TENM1: variants seen among roughly 807,000 people sequenced by gnomAD.
TENM1 encodes teneurin transmembrane protein 1.
In TENM1, 35 loss-of-function variants were observed where a neutral mutation model predicts 174.8. The observed-to-expected ratio is 0.20, with a 90% CI of 0.15 to 0.27. The LOEUF is 0.27. TENM1 is among the 10% of genes least tolerant of loss of function. The pLI is 1.00. For synonymous variants in TENM1, 781 were observed against 798.7 expected, an observed-to-expected ratio of 0.98 and a Z score of 0.37; for missense variants, 1,633 against 2,130.1, an observed-to-expected ratio of 0.77 and a Z score of 4.59.
At chrX:125,154,897 A>G in the TENM1 span, among the ~76,000 whole-genome samples, 1,705 of 110,793 alleles carry the variant, frequency 0.015, 15 homozygotes, top group Non-Finnish European at 0.023. Context: ...AGACCTTCGC[A>G]GTGAGTGTTA....
intron 15 of TENM1, among the ~76,000 whole-genome samples, chrX:124,536,977 T>C (rs767623838): frequency 4.2e-4 from 47 of 111,605 alleles, no homozygotes; most frequent in African/African-American, 1.4e-3. Context: ...CAGATCCTTC[T>C]TGTTGGCCAT....
chrX:124,385,825 T>C (rs373148088), exon 29 of TENM1: 20 of 1,210,004 alleles, frequency 1.7e-5, no homozygotes, highest in Non-Finnish European at 2.2e-5. Context: ...TGTACTTGTA[T>C]AAGACTCTGC....
intron 1 of TENM1, among the ~76,000 whole-genome samples, chrX:124,914,663 A>G (rs1175395191): frequency 1.8e-5 from 2 of 111,414 alleles, no homozygotes; most frequent in African/African-American, 3.3e-5. Context: ...GGCATCCCCC[A>G]TACCATCATT....
intron 16 of TENM1, 44 bp from the exon 20 acceptor site, chrX:124,523,669 T>TA: frequency 1.7e-6 from 2 of 1,168,281 alleles, no homozygotes; most frequent in South Asian, 1.9e-5. Flanking sequence ...AATGAAAAAT[T>TA]AAAAAATTAC....
At chrX:124,608,040 G>T (rs1368507710) in intron 11 of TENM1, among the ~76,000 whole-genome samples, 1 of 111,248 alleles carries the variant, frequency 9.0e-6, no homozygotes, top group Non-Finnish European at 1.9e-5. Flanking sequence ...GCAAGTATAA[G>T]GAGGATAAGT....
At chrX:124,489,338 T>C (rs2047017093) in intron 20 of TENM1, among the ~76,000 whole-genome samples, 1 of 112,973 alleles carries the variant, frequency 8.9e-6, no homozygotes, top group East Asian at 2.8e-4. Context: ...AAGGGTCATG[T>C]ACTCTTCTTT....
chrX:125,193,918 G>A, the TENM1 span, among the ~76,000 whole-genome samples: 140 of 110,587 alleles, frequency 1.3e-3, no homozygotes, highest in African/African-American at 4.2e-3. Context: ...CTGAGTAGCT[G>A]GGACTAAAGA....
chrX:124,587,464 G>A (rs1426388073), intron 11 of TENM1, among the ~76,000 whole-genome samples: 2 of 110,009 alleles, frequency 1.8e-5, no homozygotes, highest in African/African-American at 3.3e-5. Flanking sequence ...AATAAATGGT[G>A]CTGGGAAAAC....
intron 3 of TENM1, among the ~76,000 whole-genome samples, chrX:124,825,698 T>C (rs1266548872): frequency 1.8e-5 from 2 of 112,299 alleles, no homozygotes; most frequent in African/African-American, 6.5e-5. Flanking sequence ...GTTTGCATAA[T>C]ATACTTTAAA....
At chrX:125,021,792 C>T in the TENM1 span, among the ~76,000 whole-genome samples, 2 of 112,461 alleles carry the variant, frequency 1.8e-5, no homozygotes, top group Non-Finnish European at 3.8e-5. Flanking sequence ...AAATACTGTC[C>T]TTCTTTGATT....
chrX:124,623,241 ATG>A (rs200860015), intron 11 of TENM1, among the ~76,000 whole-genome samples: 4,314 of 110,486 alleles, frequency 0.039, 201 homozygotes, highest in African/African-American at 0.14. Flanking sequence ...GTGTGTGTAT[ATG>A]TGTGATTGTG....
intron 11 of TENM1, among the ~76,000 whole-genome samples, chrX:124,597,676 A>G (rs2049930892): frequency 9.0e-6 from 1 of 110,893 alleles, no homozygotes; most frequent in Non-Finnish European, 1.9e-5. Context: ...CTCCCCCCAA[A>G]CCTATTGAAA....
rs977947504 is a variant in TENM1 at position 124,876,575 on chromosome X, C to A, written c.535+17721G>T. On this transcript the variant is annotated intron_variant, in intron 3 of 31. Transcript: ENST00000422452. The stretch of plus-strand genomic sequence containing the variant: ...AAAAAATCTTTAAAAGATTTGGAAG[C>A]TTTCATTTAATTATGCTGTTAAAAC... 3.6e-5 allele frequency among the ~76,000 whole-genome samples: 4 copies of A among 111,560 alleles called. 1 individual carries two copies. In the South Asian group the frequency reaches 1.5e-3, roughly 41 times the overall value.
chrX:124,629,687 A>T (rs2050714955), intron 11 of TENM1, among the ~76,000 whole-genome samples: 1 of 112,298 alleles, frequency 8.9e-6, no homozygotes, highest in African/African-American at 3.2e-5. Flanking sequence ...AGGTAATACA[A>T]TAACTTGGAA....
intron 10 of TENM1, among the ~76,000 whole-genome samples, chrX:124,644,147 T>TTA (rs1469948361): frequency 2.5e-4 from 25 of 98,237 alleles, no homozygotes; most frequent in African/African-American, 6.3e-4. Context: ...ATATATAAAT[T>TTA]TATATATATA....
chrX:124,784,432 G>A (rs944794033), intron 3 of TENM1, among the ~76,000 whole-genome samples: 1 of 111,709 alleles, frequency 9.0e-6, no homozygotes, highest in Non-Finnish European at 1.9e-5. Flanking sequence ...GGAAAGACAA[G>A]TCATTCATGA....
At chrX:124,659,005 G>A (rs6655798) in intron 6 of TENM1, among the ~76,000 whole-genome samples, 2,428 of 111,978 alleles carry the variant, frequency 0.022, 59 homozygotes, top group African/African-American at 0.075. Flanking sequence ...GGTGTGGTCT[G>A]TTGACCATTA....
chrX:124,793,113 C>T (rs2055217396), intron 3 of TENM1, among the ~76,000 whole-genome samples: 1 of 111,423 alleles, frequency 9.0e-6, no homozygotes, highest in South Asian at 3.7e-4. Context: ...ATTAAATGTG[C>T]CAGGCAGGAA....
chrX:124,801,849 T>G (rs2055461126), intron 3 of TENM1, among the ~76,000 whole-genome samples: 1 of 111,791 alleles, frequency 8.9e-6, no homozygotes, highest in South Asian at 3.8e-4. Context: ...TTATTAAGGT[T>G]AGTCTGGCTG....
Sources: gnomAD v4.1 joint callset for allele counts (sites outside exome capture counted in the v4.1 genomes callset) on GRCh38, gnomAD v4.1.1 for gene constraint, MANE v1.5 for transcripts, NCBI Gene and HGNC (gene_info 2026-07-23, HGNC 2026-07-21) for gene names.